Variants in TMEM74 observed in about 807,000 individuals in gnomAD.
TMEM74 encodes transmembrane protein 74.
TMEM74 carries 13 observed loss-of-function variants against 18.1 expected under a neutral mutation model. The observed-to-expected ratio is 0.72, with a 90% confidence interval of 0.47 to 1.14. The LOEUF (loss-of-function observed/expected upper bound fraction) is 1.14, where lower values mean the gene tolerates loss of function less well. Among genes scored for constraint, TMEM74 ranks in the 50% most tolerant of loss-of-function variants. The pLI is 0.00. For missense variants in TMEM74, 372 were observed against 375.9 expected, an observed-to-expected ratio of 0.99 and a Z score of 0.09; for synonymous variants, 159 against 146.6, an observed-to-expected ratio of 1.08 and a Z score of -0.61.
chr8:108,632,022 G>C (rs1157524264), intron 2 of TMEM74, among the ~76,000 whole-genome samples: 2 of 151,918 alleles, frequency 1.3e-5, no homozygotes, highest in African/African-American at 4.8e-5. Context: ...CTCATGGGAG[G>C]CTTACCATTT....
chr8:108,744,354 C>T (rs1004374563), intron 1 of TMEM74, among the ~76,000 whole-genome samples: 2 of 152,026 alleles, frequency 1.3e-5, no homozygotes, highest in Non-Finnish European at 2.9e-5. Flanking sequence ...TCTCAATCAT[C>T]AAGGTTTATT....
At chr8:108,776,092 T>C (rs1020155328), downstream of TMEM74, among the ~76,000 whole-genome samples, 1 of 152,312 alleles carries the variant, frequency 6.6e-6, no homozygotes, top group South Asian at 2.1e-4. Context: ...CTTGTCAGAG[T>C]GCTTATTGAT....
intron 1 of TMEM74, among the ~76,000 whole-genome samples, chr8:108,765,588 T>A (rs1814097578): frequency 1.3e-5 from 2 of 151,798 alleles, no homozygotes; most frequent in Non-Finnish European, 2.9e-5. Context: ...TTTGTATGTT[T>A]AGTAGAGATG....
chr8:108,760,233 G>T (rs1814028807), intron 1 of TMEM74, among the ~76,000 whole-genome samples: 1 of 151,716 alleles, frequency 6.6e-6, no homozygotes, highest in Non-Finnish European at 1.5e-5. Context: ...AGAGCACTTT[G>T]ACAAACAGAC....
intron 1 of TMEM74, among the ~76,000 whole-genome samples, chr8:108,715,284 G>A (rs1288495751): frequency 6.6e-6 from 1 of 151,890 alleles, no homozygotes; most frequent in Non-Finnish European, 1.5e-5. Context: ...AGTGGGAGGA[G>A]GGAGGCGAGG....
At chr8:108,627,298 G>A (rs936927282) in intron 2 of TMEM74, among the ~76,000 whole-genome samples, 1 of 152,018 alleles carries the variant, frequency 6.6e-6, no homozygotes, top group Non-Finnish European at 1.5e-5. Flanking sequence ...TCCAGCTCCT[G>A]TGGGCATCTA....
At chr8:108,653,635 T>G (rs1812794867) in intron 2 of TMEM74, among the ~76,000 whole-genome samples, 1 of 152,156 alleles carries the variant, frequency 6.6e-6, no homozygotes. Flanking sequence ...CTTTAGAGAT[T>G]GTTTAAATAA....
intron 1 of TMEM74, among the ~76,000 whole-genome samples, chr8:108,769,829 A>T (rs1440677502): frequency 2.0e-5 from 3 of 152,066 alleles, no homozygotes; most frequent in African/African-American, 7.2e-5. Context: ...ATTCAATCTT[A>T]AGATATGTGT....
At chr8:108,656,153 C>T (rs1812819364) in intron 1 of TMEM74, among the ~76,000 whole-genome samples, 2 of 152,124 alleles carry the variant, frequency 1.3e-5, no homozygotes, top group African/African-American at 4.8e-5. Context: ...TGGTGAGTTT[C>T]GAAGGAGAAT....
At chr8:108,734,698 AG>A (rs1455586265) in intron 1 of TMEM74, among the ~76,000 whole-genome samples, 1 of 152,102 alleles carries the variant, frequency 6.6e-6, no homozygotes, top group Non-Finnish European at 1.5e-5. Context: ...ATTTAAAGAA[AG>A]AAAAAAAGAA....
At chr8:108,690,581 C>T (rs1038028018) in intron 1 of TMEM74, among the ~76,000 whole-genome samples, 17 of 151,728 alleles carry the variant, frequency 1.1e-4, no homozygotes, top group African/African-American at 3.6e-4. Flanking sequence ...TTTGGGAGGC[C>T]GAGGCGGGCA....
intron 1 of TMEM74, among the ~76,000 whole-genome samples, chr8:108,700,926 GATT>G (rs1305753141): frequency 1.9e-5 from 2 of 107,108 alleles, no homozygotes; most frequent in African/African-American, 8.3e-5. Context: ...CTGGAACAAG[GATT>G]ATTATTCTCA....
At chr8:108,694,000 A>G (rs1813256865) in intron 1 of TMEM74, among the ~76,000 whole-genome samples, 1 of 152,270 alleles carries the variant, frequency 6.6e-6, no homozygotes, top group South Asian at 2.1e-4. Context: ...TTGTAACATC[A>G]TAACCTTTAA....
At chr8:108,686,847 T>C (rs1372345567) in intron 1 of TMEM74, among the ~76,000 whole-genome samples, 6 of 152,166 alleles carry the variant, frequency 3.9e-5, no homozygotes, top group Non-Finnish European at 7.3e-5. Flanking sequence ...TTATTATTAA[T>C]TTTTGAGGAA....
intron 2 of TMEM74, among the ~76,000 whole-genome samples, chr8:108,641,320 A>C (rs1307479568): frequency 6.6e-6 from 1 of 152,170 alleles, no homozygotes; most frequent in Non-Finnish European, 1.5e-5. Flanking sequence ...GAAAAATAAC[A>C]AAAAATACAA....
intron 1 of TMEM74, among the ~76,000 whole-genome samples, chr8:108,692,393 G>A (rs1441571366): frequency 1.3e-5 from 2 of 152,144 alleles, no homozygotes; most frequent in East Asian, 3.8e-4. Context: ...TCACATGTGA[G>A]TGGTTATCTT....
intron 1 of TMEM74, among the ~76,000 whole-genome samples, chr8:108,671,461 G>A (rs1369768105): frequency 6.6e-6 from 1 of 152,150 alleles, no homozygotes; most frequent in African/African-American, 2.4e-5. Flanking sequence ...TGACCCCTGT[G>A]CCCAAAAGAA....
At chr8:108,706,097 C>G (rs1813393670) in intron 1 of TMEM74, among the ~76,000 whole-genome samples, 1 of 152,224 alleles carries the variant, frequency 6.6e-6, no homozygotes, top group Non-Finnish European at 1.5e-5. Context: ...CACCATTGAT[C>G]TACTAAGCAC....
At chr8:108,697,378 G>C (rs929810171) in intron 1 of TMEM74, among the ~76,000 whole-genome samples, 1 of 152,036 alleles carries the variant, frequency 6.6e-6, no homozygotes, top group African/African-American at 2.4e-5. Flanking sequence ...CAGGCAAATG[G>C]GTTCTGATAT....
Sources: allele counts gnomAD v4.1 joint callset (sites outside exome capture counted in the v4.1 genomes callset), GRCh38; gene constraint gnomAD v4.1.1; transcripts MANE v1.5; gene names NCBI Gene and HGNC (gene_info 2026-07-23, HGNC 2026-07-21).